Variants in CTNNA2 observed in about 807,000 individuals in gnomAD.
CTNNA2 encodes catenin alpha-2.
In CTNNA2, 42 loss-of-function variants were observed where a neutral mutation model predicts 101.0. The ratio of observed to expected loss-of-function variants is 0.42; its 90% CI spans 0.32 to 0.54. CTNNA2 has a LOEUF of 0.54. Ranked by LOEUF, CTNNA2 falls within the 20% of genes least tolerant of loss-of-function variation. The pLI is 0.14. For missense variants in CTNNA2, 871 were observed against 1,223.1 expected, an observed-to-expected ratio of 0.71 and a Z score of 4.29; for synonymous variants, 450 against 456.4, an observed-to-expected ratio of 0.99 and a Z score of 0.18.
chr2:79,371,313 G>A (rs1380278511), intron 3 of CTNNA2, among the ~76,000 whole-genome samples: 1 of 152,058 alleles, frequency 6.6e-6, no homozygotes, highest in African/African-American at 2.4e-5. Context: ...GTGGGAAACA[G>A]ATGGAGACGA....
intron 3 of CTNNA2, among the ~76,000 whole-genome samples, chr2:79,857,309 T>G (rs1252510593): frequency 6.6e-6 from 1 of 152,398 alleles, no homozygotes; most frequent in Non-Finnish European, 1.5e-5. Context: ...ACTTAATTAC[T>G]GTATTCTGAT....
chr2:80,434,927 G>T (rs895036153), intron 9 of CTNNA2, among the ~76,000 whole-genome samples: 3 of 151,872 alleles, frequency 2.0e-5, no homozygotes, highest in Non-Finnish European at 4.4e-5. Context: ...TTTTTTCCTT[G>T]GGTAGAGATT....
At chr2:79,727,780 A>G (rs1202822532) in intron 2 of CTNNA2, among the ~76,000 whole-genome samples, 14 of 127,728 alleles carry the variant, frequency 1.1e-4, no homozygotes, top group Admixed American at 4.1e-4. Flanking sequence ...TCCTGTGTCC[A>G]TGTGTTCTCA....
intron 7 of CTNNA2, among the ~76,000 whole-genome samples, chr2:80,043,040 C>CTTCTTTCTTTCT (rs1173555945): frequency 4.6e-4 from 24 of 52,740 alleles, no homozygotes; most frequent in South Asian, 1.5e-3. Flanking sequence ...TCTTTCTTTC[C>CTTCTTTCTTTCT]TTCTTTCTTT....
At chr2:79,654,128 T>A (rs1326661497) in intron 2 of CTNNA2, among the ~76,000 whole-genome samples, 3 of 152,176 alleles carry the variant, frequency 2.0e-5, no homozygotes, top group Admixed American at 6.6e-5. Flanking sequence ...TTAATAACAG[T>A]CTGTTCAAGG....
chr2:80,406,095 C>T (rs1012953783), intron 8 of CTNNA2, among the ~76,000 whole-genome samples: 1 of 152,174 alleles, frequency 6.6e-6, no homozygotes, highest in Admixed American at 6.5e-5. Flanking sequence ...CGGTGGCTCA[C>T]GCCTGTAATG....
chr2:79,690,535 T>G (rs1684220193), intron 2 of CTNNA2, among the ~76,000 whole-genome samples: 1 of 152,008 alleles, frequency 6.6e-6, no homozygotes, highest in African/African-American at 2.4e-5. Flanking sequence ...ATCCAGTCTA[T>G]CGTTGATGGG....
chr2:79,865,819 A>AT (rs1434322255), intron 4 of CTNNA2, among the ~76,000 whole-genome samples: 6 of 152,222 alleles, frequency 3.9e-5, no homozygotes, highest in African/African-American at 1.4e-4. Flanking sequence ...TCCCGGGTTC[A>AT]TGCCATTCTG....
chr2:80,197,104 G>A (rs1706889621), intron 7 of CTNNA2, among the ~76,000 whole-genome samples: 2 of 151,996 alleles, frequency 1.3e-5, no homozygotes, highest in Non-Finnish European at 2.9e-5. Context: ...TATTTCCTTG[G>A]TACACTCTGT....
intron 2 of CTNNA2, among the ~76,000 whole-genome samples, chr2:79,290,278 G>A (rs1451647098): frequency 6.6e-6 from 1 of 152,096 alleles, no homozygotes; most frequent in Non-Finnish European, 1.5e-5. Flanking sequence ...TAGAGCATTG[G>A]TTACTGATCA....
chr2:79,217,668 A>G (rs1674284330), intron 2 of CTNNA2, among the ~76,000 whole-genome samples: 1 of 152,352 alleles, frequency 6.6e-6, no homozygotes, highest in East Asian at 1.9e-4. Flanking sequence ...TGCAGGTCAC[A>G]GGGAATATGA....
intron 7 of CTNNA2, among the ~76,000 whole-genome samples, chr2:80,075,801 ATAT>A (rs1363547639): frequency 1.4e-5 from 2 of 144,524 alleles, no homozygotes; most frequent in Admixed American, 7.0e-5. Flanking sequence ...ACATGTATAA[ATAT>A]TATAAAAATA....
intron 3 of CTNNA2, among the ~76,000 whole-genome samples, chr2:79,847,146 A>G (rs1680290456): frequency 6.6e-6 from 1 of 152,104 alleles, no homozygotes; most frequent in Non-Finnish European, 1.5e-5. Context: ...AGGACATTTA[A>G]ACAAACTTCC....
intron 7 of CTNNA2, among the ~76,000 whole-genome samples, chr2:80,010,235 A>C (rs1158105013): frequency 1.3e-5 from 2 of 152,174 alleles, no homozygotes; most frequent in African/African-American, 4.8e-5. Context: ...CTCCCAGGAC[A>C]CAGGTTAGAA....
intron 9 of CTNNA2, among the ~76,000 whole-genome samples, chr2:80,428,012 G>A (rs1293474627): frequency 2.0e-5 from 3 of 152,228 alleles, no homozygotes; most frequent in African/African-American, 7.2e-5. Context: ...AAAGAATGAA[G>A]GAGGAGGGCA....
intron 3 of CTNNA2, among the ~76,000 whole-genome samples, chr2:79,747,327 T>C (rs776655190): frequency 1.3e-4 from 20 of 152,166 alleles, no homozygotes; most frequent in Non-Finnish European, 1.9e-4. Flanking sequence ...ATAGCCTGGA[T>C]AGTTGTTTTA....
At chr2:80,544,936 T>C (rs1249808631) in intron 9 of CTNNA2, 46 bp from the exon 10 acceptor site, 28 of 1,535,228 alleles carry the variant, frequency 1.8e-5, no homozygotes, top group Non-Finnish European at 2.5e-5. Flanking sequence ...CAGTATACTT[T>C]CCCTTTGCCC....
intron 4 of CTNNA2, among the ~76,000 whole-genome samples, chr2:79,493,368 A>G (rs1458279986): frequency 2.0e-5 from 3 of 152,206 alleles, no homozygotes; most frequent in African/African-American, 7.2e-5. Flanking sequence ...CTGTAATCCC[A>G]GCACTTTGGA....
intron 1 of CTNNA2, among the ~76,000 whole-genome samples, chr2:79,643,173 GA>G (rs1680573556): frequency 2.0e-5 from 3 of 151,984 alleles, no homozygotes; most frequent in Middle Eastern, 6.3e-3. Context: ...CCTGGCAACA[GA>G]GCAAGGCTCC....
Sources: allele counts gnomAD v4.1 joint callset (sites outside exome capture counted in the v4.1 genomes callset), GRCh38; gene constraint gnomAD v4.1.1; transcripts MANE v1.5; gene names NCBI Gene and HGNC (gene_info 2026-07-23, HGNC 2026-07-21).